The following PRPSAP2 variants were observed in gnomAD, a reference collection of about 807,000 sequenced individuals.
PRPSAP2 encodes phosphoribosyl pyrophosphate synthetase associated protein 2.
In PRPSAP2, 24 loss-of-function variants were observed where a neutral mutation model predicts 40.6. The observed-to-expected ratio is 0.59, with a 90% CI of 0.43 to 0.83. The LOEUF (loss-of-function observed/expected upper bound fraction) is 0.83. PRPSAP2 is among the 40% of genes least tolerant of loss of function. The pLI, the probability that PRPSAP2 is intolerant of heterozygous loss-of-function variation, is 0.00. For missense variants in PRPSAP2, 292 were observed against 465.6 expected (o/e 0.63, Z 3.43); for synonymous variants, 149 against 164.7 (o/e 0.90, Z 0.73).
chr17:18,914,793 C>T (rs541662652), intron 9 of PRPSAP2, among the ~76,000 whole-genome samples: 3 of 150,612 alleles, frequency 2.0e-5, no homozygotes, highest in South Asian at 2.1e-4. Flanking sequence ...GGTGCAATCT[C>T]GGCTCACTGC....
chr17:18,869,882 C>T (rs1231572195), intron 4 of PRPSAP2, among the ~76,000 whole-genome samples: 2 of 114,862 alleles, frequency 1.7e-5, no homozygotes, highest in East Asian at 2.0e-4. Flanking sequence ...GAGTCTTGCT[C>T]CATTGCCCAG....
At chr17:18,908,382 T>C (rs1296983548) in intron 8 of PRPSAP2, 30 of 769,818 alleles carry the variant, frequency 3.9e-5, no homozygotes, top group Non-Finnish European at 5.6e-5. Flanking sequence ...GAGCAAGAAA[T>C]TAAAACACTG....
At chr17:18,889,538 C>T (rs938095011) in intron 7 of PRPSAP2, among the ~76,000 whole-genome samples, 4 of 152,176 alleles carry the variant, frequency 2.6e-5, no homozygotes, top group Non-Finnish European at 4.4e-5. Context: ...TTCTTGTTGA[C>T]GAGATATATA....
chr17:18,871,361 C>T (rs2037855087), intron 4 of PRPSAP2, among the ~76,000 whole-genome samples: 1 of 152,134 alleles, frequency 6.6e-6, no homozygotes, highest in Admixed American at 6.6e-5. Context: ...ACCTCCACCC[C>T]AAACCAGGAT....
rs1325354164 is a variant in PRPSAP2 at position 18,930,910 on chromosome 17, C to G, written c.*212C>G. ...ATTTTTATAAAAGAAAAACTTTATTCTCCTCTTTTGAAAAGGTAAGACCTC... is the reference window on the plus strand; with the variant it reads ...ATTTTTATAAAAGAAAAACTTTATTGTCCTCTTTTGAAAAGGTAAGACCTC... On this transcript the variant is annotated 3_prime_UTR_variant, in exon 12 of 12. Transcript: ENST00000268835. 1 of 373,746 alleles carries G rather than the reference C, an allele frequency of 2.7e-6. No homozygotes were observed. Among genetic ancestry groups the G allele is most frequent in the Non-Finnish European group, 4.7e-6 (1 of 211,168 alleles). 23.2% of individuals were successfully genotyped at this position (373,746 alleles called of 1,614,324 possible).
At chr17:18,915,570 G>A (rs1257739764) in intron 9 of PRPSAP2, among the ~76,000 whole-genome samples, 2 of 152,140 alleles carry the variant, frequency 1.3e-5, no homozygotes, top group African/African-American at 2.4e-5. Context: ...CCACACACTA[G>A]GTTGAAACAT....
chr17:18,920,726 T>C (rs2151967418), intron 9 of PRPSAP2, among the ~76,000 whole-genome samples: 1 of 152,292 alleles, frequency 6.6e-6, no homozygotes, highest in South Asian at 2.1e-4. Context: ...TAAAAAACAA[T>C]GAAAATACTT....
intron 8 of PRPSAP2, among the ~76,000 whole-genome samples, chr17:18,897,910 T>A (rs1278111614): frequency 1.3e-5 from 2 of 152,060 alleles, no homozygotes; most frequent in Non-Finnish European, 2.9e-5. Context: ...TGTGTCTCTT[T>A]ACTCCCCCTG....
chr17:18,863,831 C>CT (rs34770102), intron 1 of PRPSAP2, among the ~76,000 whole-genome samples: 1,346 of 86,020 alleles, frequency 0.016, 39 homozygotes, highest in African/African-American at 0.049. Context: ...ACTGCGTGGC[C>CT]TTTTTTTTTT....
At chr17:18,928,442 CTT>C (rs1321692085) in intron 10 of PRPSAP2, 1 of 284,180 alleles carries the variant, frequency 3.5e-6, no homozygotes, top group Non-Finnish European at 7.0e-6. Flanking sequence ...TCTTTTAACA[CTT>C]TTTCTGTGCA....
At chr17:18,893,189 C>T (rs1340659465) in intron 8 of PRPSAP2, among the ~76,000 whole-genome samples, 4 of 134,188 alleles carry the variant, frequency 3.0e-5, no homozygotes, top group South Asian at 2.3e-4. Context: ...GAGTCTCAGT[C>T]TGTTGCCCAG....
chr17:18,889,166 C>T (rs112739076), intron 7 of PRPSAP2, among the ~76,000 whole-genome samples: 20 of 152,164 alleles, frequency 1.3e-4, no homozygotes, highest in Non-Finnish European at 2.2e-4. Context: ...GTGATTATGC[C>T]GGAGGCAACT....
intron 9 of PRPSAP2, among the ~76,000 whole-genome samples, chr17:18,919,950 C>T (rs1396793665): frequency 3.9e-5 from 6 of 152,110 alleles, no homozygotes; most frequent in East Asian, 3.9e-4. Context: ...GTTAATAAAG[C>T]GTTTGGCTCA....
intron 9 of PRPSAP2, among the ~76,000 whole-genome samples, chr17:18,913,598 G>C (rs182549626): frequency 4.2e-5 from 6 of 142,434 alleles, no homozygotes; most frequent in African/African-American, 1.6e-4. Flanking sequence ...ACCCAGGCTG[G>C]AGTGCAGTTG....
intron 8 of PRPSAP2, among the ~76,000 whole-genome samples, chr17:18,907,941 A>C (rs541215537): frequency 6.6e-6 from 1 of 152,336 alleles, no homozygotes; most frequent in South Asian, 2.1e-4. Context: ...GTTCAAGACC[A>C]GCCTGGCCAA....
At chr17:18,877,304 G>A (rs1249984657) in intron 5 of PRPSAP2, among the ~76,000 whole-genome samples, 2 of 152,180 alleles carry the variant, frequency 1.3e-5, no homozygotes, top group East Asian at 3.8e-4. Flanking sequence ...GTAACAGAAT[G>A]TTTGTGGCCG....
chr17:18,879,988 C>G (rs1021128109), intron 6 of PRPSAP2, among the ~76,000 whole-genome samples: 3 of 151,964 alleles, frequency 2.0e-5, no homozygotes, highest in African/African-American at 7.2e-5. Flanking sequence ...CCCAGCTACT[C>G]GGGAGTCTGA....
Position 18,870,373 on chromosome 17 carries a change from T to C in PRPSAP2, c.173-2210T>C, listed in dbSNP as rs569504143. Among the ~76,000 whole-genome samples the C allele has an allele frequency of 3.3e-5, 5 of 151,980 alleles. No individual in the cohort carries two copies. In the East Asian group the frequency reaches 9.7e-4, roughly 29 times the overall value. ...ATATTTGCACCACTGTACCACAGCC[T>C]AGGCAACAGGGCGAGATGTGTCCCA... is the stretch of plus-strand genomic sequence containing the variant. On this transcript the variant is annotated intron_variant, in intron 4 of 11. Transcript: ENST00000268835.
At chr17:18,928,146 G>GTAAAA (rs2042065403) in intron 10 of PRPSAP2, 1 of 154,986 alleles carries the variant, frequency 6.5e-6, no homozygotes. Context: ...TAATATGTAT[G>GTAAAA]TAAAATAAAG....
Sources: gnomAD v4.1 joint callset for allele counts (sites outside exome capture counted in the v4.1 genomes callset) on GRCh38, gnomAD v4.1.1 for gene constraint, MANE v1.5 for transcripts, NCBI Gene and HGNC (gene_info 2026-07-23, HGNC 2026-07-21) for gene names.